The following KCNH7 variants were observed in gnomAD, a reference collection of about 807,000 sequenced individuals.
The protein encoded by KCNH7 is voltage-gated inwardly rectifying potassium channel KCNH7.
KCNH7 carries 49 observed loss-of-function variants against 120.8 expected under a neutral mutation model. The ratio of observed to expected loss-of-function variants is 0.41; its 90% CI spans 0.32 to 0.51. The LOEUF is 0.51. Ranked by LOEUF, KCNH7 falls within the 20% of genes least tolerant of loss-of-function variation. The probability of loss-of-function intolerance (pLI) is 0.38; values close to 1 mark genes in which losing one functional copy is unlikely to be tolerated. For missense variants in KCNH7, 1,097 were observed against 1,446.6 expected (o/e 0.76, Z 3.92); for synonymous variants, 547 against 516.1 (o/e 1.06, Z -0.81).
chr2:162,490,767 T>C (rs993692844), intron 6 of KCNH7, among the ~76,000 whole-genome samples: 1 of 152,188 alleles, frequency 6.6e-6, no homozygotes, highest in African/African-American at 2.4e-5. Flanking sequence ...TATGGCATTT[T>C]CTTTCTTTTT....
chr2:162,472,604 G>T (rs1007622105), intron 6 of KCNH7, among the ~76,000 whole-genome samples: 4 of 152,326 alleles, frequency 2.6e-5, no homozygotes, highest in African/African-American at 9.6e-5. Flanking sequence ...TGCTGGAGAG[G>T]ATGTGGAGAA....
In KCNH7 at chr2:162,822,340, G is replaced by GT. The variant is rs543868898; in HGVS notation, c.307+14196dup. 7.2e-3 allele frequency among the ~76,000 whole-genome samples: 1,094 copies of GT among 152,104 alleles called. 2 individuals carry two copies. Among genetic ancestry groups the GT allele is most frequent in the Non-Finnish European group, 0.011 (772 of 67,978 alleles). On this transcript the variant is annotated intron_variant, in intron 2 of 15. Transcript: ENST00000332142. Reference sequence around the variant, plus strand: ...TTGCATTTACTGGGTACCTGGAGCTGTTTTAAGTGCTTTTACAAATGTAAA... The same window carrying GT: ...TTGCATTTACTGGGTACCTGGAGCTGTTTTTAAGTGCTTTTACAAATGTAAA...
chr2:162,451,598 C>T (rs935299791), intron 6 of KCNH7, among the ~76,000 whole-genome samples: 2 of 151,850 alleles, frequency 1.3e-5, no homozygotes, highest in Non-Finnish European at 2.9e-5. Context: ...TGTGGAGAGT[C>T]CAAGAAGGCT....
chr2:162,412,197 G>A (rs985726909), intron 9 of KCNH7, among the ~76,000 whole-genome samples: 2 of 151,810 alleles, frequency 1.3e-5, no homozygotes, highest in African/African-American at 4.8e-5. Context: ...AAATGGAAAT[G>A]CTTAATATAT....
At chr2:162,516,841 G>A (rs1003854275) in intron 4 of KCNH7, among the ~76,000 whole-genome samples, 1 of 151,666 alleles carries the variant, frequency 6.6e-6, no homozygotes, top group African/African-American at 2.4e-5. Flanking sequence ...GTTTGAAGCC[G>A]GGCTCTGACA....
chr2:162,599,061 G>A, intron 2 of KCNH7, among the ~76,000 whole-genome samples: 1 of 151,854 alleles, frequency 6.6e-6, no homozygotes, highest in East Asian at 1.9e-4. Flanking sequence ...TTCAAGACCA[G>A]CCTGGCCAAC....
rs145268842 is a variant in KCNH7, at chr2:162,591,818, G to A, written c.308-54738C>T. Among the ~76,000 whole-genome samples, 790 of 151,824 alleles carry A rather than the reference G, an allele frequency of 5.2e-3. 10 individuals are homozygous for A. Among genetic ancestry groups the A allele is most frequent in the African/African-American group, 0.018 (752 of 41,462 alleles). On this transcript the variant is annotated intron_variant, in intron 2 of 15. Transcript: ENST00000332142. ...TTAAAATTTAATCCTCATTATTGAC[G>A]TATTTTTCTACTCAAGAGTCAATAC...
intron 2 of KCNH7, among the ~76,000 whole-genome samples, chr2:162,571,773 C>A (rs1693485766): frequency 7.0e-6 from 1 of 142,584 alleles, no homozygotes; most frequent in Non-Finnish European, 1.5e-5. Flanking sequence ...TTTGACAAAC[C>A]TGAGAAAAAC....
chr2:162,656,214 A>G (rs1438910682), intron 2 of KCNH7, among the ~76,000 whole-genome samples: 1 of 152,204 alleles, frequency 6.6e-6, no homozygotes, highest in African/African-American at 2.4e-5. Context: ...CTGTTTTTCT[A>G]GAGAAACAGA....
At chr2:162,738,734 C>T (rs563724007) in intron 2 of KCNH7, among the ~76,000 whole-genome samples, 1 of 152,312 alleles carries the variant, frequency 6.6e-6, no homozygotes, top group East Asian at 1.9e-4. Context: ...AATTGGCTAA[C>T]ACCTACTTCA....
At chr2:162,525,565 G>A (rs1428220824) in intron 3 of KCNH7, among the ~76,000 whole-genome samples, 1 of 151,978 alleles carries the variant, frequency 6.6e-6, no homozygotes, top group Non-Finnish European at 1.5e-5. Flanking sequence ...AAGTTTCTAT[G>A]TGCTTAAAAT....
At chr2:162,716,149 A>G (rs766576919) in intron 2 of KCNH7, among the ~76,000 whole-genome samples, 1 of 152,168 alleles carries the variant, frequency 6.6e-6, no homozygotes, top group African/African-American at 2.4e-5. Flanking sequence ...TCCATACTTC[A>G]AGTCCTTTTC....
chr2:162,837,552 C>G (rs887352009), intron 1 of KCNH7, among the ~76,000 whole-genome samples: 3 of 152,126 alleles, frequency 2.0e-5, no homozygotes, highest in South Asian at 2.1e-4. Flanking sequence ...TTAGTTTGTA[C>G]GCAAGGTACC....
rs188268095 is a variant in KCNH7, at chr2:162,478,291, T to C, written c.1128+26152A>G. 7.9e-5 allele frequency among the ~76,000 whole-genome samples: 12 copies of C among 152,270 alleles called. No individual in the cohort carries two copies. In the East Asian group the frequency reaches 2.3e-3, roughly 29 times the overall value. ...TGCAAGTACTCCACCTCTCCCCAGT[T>C]AATTGTTCATTATAGTACCATAGAC... On this transcript the variant is annotated intron_variant, in intron 6 of 15. Transcript: ENST00000332142.
chr2:162,525,980 G>A (rs1320918904), intron 3 of KCNH7, among the ~76,000 whole-genome samples: 3 of 151,920 alleles, frequency 2.0e-5, no homozygotes, highest in Non-Finnish European at 4.4e-5. Flanking sequence ...GATATCGGGT[G>A]AAATTCACCC....
At chr2:162,537,856 A>G (rs1333078262) in intron 2 of KCNH7, among the ~76,000 whole-genome samples, 1 of 152,050 alleles carries the variant, frequency 6.6e-6, no homozygotes, top group Admixed American at 6.6e-5. Context: ...TCCAACAGAA[A>G]CCCACAGGTC....
intron 2 of KCNH7, among the ~76,000 whole-genome samples, chr2:162,599,478 A>T (rs1217437257): frequency 6.6e-6 from 1 of 151,870 alleles, no homozygotes; most frequent in Non-Finnish European, 1.5e-5. Flanking sequence ...TTTATTTGTG[A>T]CCTAAATTCT....
chr2:162,372,165 T>C lies in KCNH7; in HGVS notation c.3325-70A>G, dbSNP rs918309263. 6.5e-6 allele frequency: 8 copies of C among 1,237,976 alleles called. No homozygotes were observed. The African/African-American group carries it at 1.2e-4, about 19-fold the overall frequency. The allele number at this position is 1,237,976 out of a possible 1,614,324, so 76.7% of individuals were successfully genotyped here. On this transcript the variant is annotated intron_variant, in intron 15 of 15. Transcript: ENST00000332142. ...AGATAGTCATTGAAAATTACACTAA[T>C]AAAAACTTAAGCATTTTCTTTCCTC...
At chr2:162,553,663 A>AGAAAT (rs1257767386) in intron 2 of KCNH7, among the ~76,000 whole-genome samples, 1 of 152,178 alleles carries the variant, frequency 6.6e-6, no homozygotes, top group East Asian at 1.9e-4. Context: ...AGAAAAGAAA[A>AGAAAT]GAAAAGAAAA....
Sources: gnomAD v4.1 joint callset for allele counts (sites outside exome capture counted in the v4.1 genomes callset) on GRCh38, gnomAD v4.1.1 for gene constraint, MANE v1.5 for transcripts, NCBI Gene and HGNC (gene_info 2026-07-23, HGNC 2026-07-21) for gene names.